The following BNC2 variants were observed in gnomAD, a reference collection of about 807,000 sequenced individuals.
BNC2 encodes basonuclin zinc finger protein 2.
Under a neutral mutation model 76.3 loss-of-function variants are expected in BNC2, and 20 were observed. The ratio of observed to expected loss-of-function variants is 0.26; its 90% CI spans 0.18 to 0.38. The LOEUF (loss-of-function observed/expected upper bound fraction) is 0.38. BNC2 is among the 10% of genes least tolerant of loss of function. The probability of loss-of-function intolerance (pLI) is 1.00; values close to 1 mark genes in which losing one functional copy is unlikely to be tolerated. For synonymous variants in BNC2, 582 were observed against 514.8 expected, an observed-to-expected ratio of 1.13 and a Z score of -1.77; for missense variants, 1,382 against 1,399.8, an observed-to-expected ratio of 0.99 and a Z score of 0.20.
intron 1 of BNC2, among the ~76,000 whole-genome samples, chr9:16,792,155 G>T (rs949780375): frequency 2.7e-5 from 4 of 150,080 alleles, no homozygotes; most frequent in African/African-American, 9.8e-5. Context: ...TATACACTCA[G>T]TATGCACCAG....
chr9:16,804,586 G>C (rs923298488), intron 1 of BNC2, among the ~76,000 whole-genome samples: 16 of 152,208 alleles, frequency 1.1e-4, no homozygotes, highest in Non-Finnish European at 1.3e-4. Context: ...ATGTCCTGGA[G>C]ATAGGTTGTT....
At chr9:16,432,025 C>T (rs1563779751) in intron 6 of BNC2, among the ~76,000 whole-genome samples, 1 of 152,186 alleles carries the variant, frequency 6.6e-6, no homozygotes, top group African/African-American at 2.4e-5. Flanking sequence ...TTTAGAGCAT[C>T]AGAGTTCTTT....
At chr9:16,485,651 C>G (rs1256922137) in intron 5 of BNC2, among the ~76,000 whole-genome samples, 1 of 152,142 alleles carries the variant, frequency 6.6e-6, no homozygotes, top group African/African-American at 2.4e-5. Context: ...GAGACCCTGT[C>G]TCTACAAAAA....
At chr9:16,502,841 G>C (rs1489227722) in intron 5 of BNC2, among the ~76,000 whole-genome samples, 2 of 152,150 alleles carry the variant, frequency 1.3e-5, no homozygotes, top group African/African-American at 4.8e-5. Flanking sequence ...ATGAAGAGAT[G>C]GGGTTAATCC....
intron 5 of BNC2, among the ~76,000 whole-genome samples, chr9:16,451,720 C>T (rs1686757924): frequency 6.6e-6 from 1 of 152,146 alleles, no homozygotes; most frequent in Non-Finnish European, 1.5e-5. Context: ...TTTTTCCTTC[C>T]ACCTTCCCAC....
At chr9:16,674,004 G>A (rs1442595399) in intron 3 of BNC2, among the ~76,000 whole-genome samples, 1 of 152,148 alleles carries the variant, frequency 6.6e-6, no homozygotes, top group African/African-American at 2.4e-5. Flanking sequence ...AGTTGTTATA[G>A]CTTTACTCAA....
chr9:16,527,062 A>G (rs1817827995), intron 5 of BNC2, among the ~76,000 whole-genome samples: 1 of 152,180 alleles, frequency 6.6e-6, no homozygotes, highest in Non-Finnish European at 1.5e-5. Context: ...CACTTCAGGA[A>G]CAGAGAGAGG....
intron 4 of BNC2, among the ~76,000 whole-genome samples, chr9:16,570,315 T>G (rs1016331618): frequency 1.3e-5 from 2 of 152,216 alleles, no homozygotes; most frequent in Non-Finnish European, 2.9e-5. Flanking sequence ...GAAAAATGAA[T>G]GTCACCTTTG....
intron 4 of BNC2, among the ~76,000 whole-genome samples, chr9:16,570,322 T>A (rs1819286301): frequency 6.6e-6 from 1 of 152,188 alleles, no homozygotes; most frequent in African/African-American, 2.4e-5. Flanking sequence ...GAATGTCACC[T>A]TTGTGTCACA....
chr9:16,468,751 C>T (rs1003643634), intron 5 of BNC2, among the ~76,000 whole-genome samples: 31 of 152,134 alleles, frequency 2.0e-4, no homozygotes, highest in African/African-American at 7.5e-4. Context: ...CTATTATCAT[C>T]TCCAAGCTGA....
intron 1 of BNC2, among the ~76,000 whole-genome samples, chr9:16,826,634 G>A (rs1818459372): frequency 6.6e-6 from 1 of 152,138 alleles, no homozygotes; most frequent in African/African-American, 2.4e-5. Flanking sequence ...AAAAATGACT[G>A]AAATATAGTA....
At chr9:16,818,506 A>C (rs1267120518) in intron 1 of BNC2, among the ~76,000 whole-genome samples, 1 of 152,240 alleles carries the variant, frequency 6.6e-6, no homozygotes, top group Admixed American at 6.5e-5. Context: ...GCATGAGCTT[A>C]AGTGTCTCTA....
chr9:16,422,723 G>C (rs1359776298), intron 6 of BNC2, among the ~76,000 whole-genome samples: 9 of 152,168 alleles, frequency 5.9e-5, no homozygotes, highest in Non-Finnish European at 1.0e-4. Flanking sequence ...GCACGAGAAG[G>C]AAAGCAGACT....
intron 5 of BNC2, among the ~76,000 whole-genome samples, chr9:16,518,909 A>G (rs1026624914): frequency 6.6e-5 from 10 of 152,314 alleles, no homozygotes; most frequent in African/African-American, 1.9e-4. Flanking sequence ...CCCTAAAGTC[A>G]TATTTTAATA....
At chr9:16,429,977 G>T in intron 6 of BNC2, 1 of 515,272 alleles carries the variant, frequency 1.9e-6, no homozygotes, top group East Asian at 5.5e-5. Flanking sequence ...AGACCGTTTT[G>T]CTCATTGCTC....
At chr9:16,816,035 A>T (rs57957677) in intron 1 of BNC2, among the ~76,000 whole-genome samples, 3,958 of 152,162 alleles carry the variant, frequency 0.026, 171 homozygotes, top group African/African-American at 0.091. Context: ...CCTTGTGTTT[A>T]TTTATTATTT....
At chr9:16,675,405 C>A (rs2134225374) in intron 3 of BNC2, among the ~76,000 whole-genome samples, 1 of 152,202 alleles carries the variant, frequency 6.6e-6, no homozygotes, top group East Asian at 1.9e-4. Context: ...AAGCACATGT[C>A]ACCACACCCA....
chr9:16,513,279 C>A (rs1822801159), intron 5 of BNC2, among the ~76,000 whole-genome samples: 1 of 146,722 alleles, frequency 6.8e-6, no homozygotes, highest in Non-Finnish European at 1.5e-5. Context: ...AGACACGGGT[C>A]TAAGACATGA....
chr9:16,840,176 G>A (rs1818793331), intron 1 of BNC2, among the ~76,000 whole-genome samples: 1 of 152,068 alleles, frequency 6.6e-6, no homozygotes, highest in African/African-American at 2.4e-5. Context: ...TCCAGACCTT[G>A]TGCCTTCTGG....
Sources: gnomAD v4.1 joint callset for allele counts (sites outside exome capture counted in the v4.1 genomes callset) on GRCh38, gnomAD v4.1.1 for gene constraint, MANE v1.5 for transcripts, NCBI Gene and HGNC (gene_info 2026-07-23, HGNC 2026-07-21) for gene names.